The following COL22A1 variants were observed in gnomAD, a reference collection of about 807,000 sequenced individuals.
The protein encoded by COL22A1 is collagen alpha-1(XXII) chain.
In COL22A1, 221 loss-of-function variants were observed where a neutral mutation model predicts 248.9. The observed-to-expected ratio is 0.89, with a 90% confidence interval of 0.80 to 0.99. The LOEUF (loss-of-function observed/expected upper bound fraction) is 0.99. Ranked by LOEUF, COL22A1 falls within the 50% of genes least tolerant of loss-of-function variation. COL22A1 has a pLI of 0.00. For synonymous variants in COL22A1, 891 were observed against 793.4 expected, an observed-to-expected ratio of 1.12 and a Z score of -2.07; for missense variants, 2,240 against 2,179.0, an observed-to-expected ratio of 1.03 and a Z score of -0.56.
chr8:138,715,565 AT>A (rs5895555), intron 30 of COL22A1, 116 bp downstream of exon 30: 133,659 of 357,384 alleles, frequency 0.37, 25,310 homozygotes, highest in Admixed American at 0.56. Context: ...AGAGACTCTC[AT>A]TTTAAAAAAA....
At chr8:138,779,386 G>T (rs566713151) in intron 14 of COL22A1, 123 bp downstream of exon 14, 3 of 659,210 alleles carry the variant, frequency 4.6e-6, no homozygotes, top group African/African-American at 1.8e-5. Flanking sequence ...TGTGCAAGCA[G>T]TTATATGAGA....
intron 50 of COL22A1, among the ~76,000 whole-genome samples, chr8:138,628,223 C>T (rs1820411245): frequency 1.3e-5 from 2 of 150,584 alleles, no homozygotes; most frequent in Non-Finnish European, 1.5e-5. Context: ...TCTTTTAATT[C>T]AAAATACAAC....
chr8:138,887,314 T>C (rs910606462), intron 1 of COL22A1, among the ~76,000 whole-genome samples: 1 of 151,576 alleles, frequency 6.6e-6, no homozygotes, highest in African/African-American at 2.4e-5. Flanking sequence ...AACCTCTGCC[T>C]CCTGGGTTCA....
intron 1 of COL22A1, among the ~76,000 whole-genome samples, chr8:138,902,096 G>T (rs897792044): frequency 6.6e-6 from 1 of 152,136 alleles, no homozygotes; most frequent in African/African-American, 2.4e-5. Flanking sequence ...AAGAGGCATG[G>T]GGGAGTTCCC....
chr8:138,840,059 A>T lies in COL22A1; in HGVS notation c.733+4025T>A, dbSNP rs748167305. Among the ~76,000 whole-genome samples the T allele has an allele frequency of 2.0e-5, 3 of 152,246 alleles. No individual in the cohort carries two copies. In the South Asian group the frequency reaches 6.2e-4, roughly 32 times the overall value. ...CCTCGTGCTCCCAGACCCAGCCCAGATATGCCCTAAAAATAGCCAGAGTCA... is the reference window on the plus strand; with the variant it reads ...CCTCGTGCTCCCAGACCCAGCCCAGTTATGCCCTAAAAATAGCCAGAGTCA... On this transcript the variant is annotated intron_variant, in intron 4 of 64. Coordinates refer to ENST00000303045, the MANE Select transcript of COL22A1 (RefSeq NM_152888.3).
chr8:138,696,026 T>G (rs995978969), intron 32 of COL22A1, among the ~76,000 whole-genome samples: 1 of 152,160 alleles, frequency 6.6e-6, no homozygotes, highest in Non-Finnish European at 1.5e-5. Context: ...GGACCCCATA[T>G]GACTTTTGCA....
In COL22A1 at chr8:138,655,311, T is replaced by C. The variant is rs531531803; in HGVS notation, c.3333+586A>G. 7.4e-4 allele frequency among the ~76,000 whole-genome samples: 113 copies of C among 152,332 alleles called. 1 individual carries two copies. Among genetic ancestry groups the C allele is most frequent in the African/African-American group, 2.6e-3 (107 of 41,578 alleles). ...ACCAGCCACATGCAGCTATTAAGTATGTGTAAAGAAAGAGGTTGGAGTGAT... is the reference window on the plus strand; with the variant it reads ...ACCAGCCACATGCAGCTATTAAGTACGTGTAAAGAAAGAGGTTGGAGTGAT... On this transcript the variant is annotated intron_variant, in intron 45 of 64. Transcript: ENST00000303045.
At chr8:138,738,547 C>T (rs1831304704) in intron 22 of COL22A1, among the ~76,000 whole-genome samples, 1 of 152,124 alleles carries the variant, frequency 6.6e-6, no homozygotes, top group African/African-American at 2.4e-5. Flanking sequence ...GTTCTTCCCA[C>T]CTGATCCTTT....
intron 2 of COL22A1, among the ~76,000 whole-genome samples, chr8:138,882,296 A>T (rs1265145408): frequency 6.6e-6 from 1 of 151,502 alleles, no homozygotes; most frequent in African/African-American, 2.4e-5. Flanking sequence ...TCACATGCAT[A>T]CTGACATTGC....
intron 31 of COL22A1, among the ~76,000 whole-genome samples, chr8:138,701,262 A>T (rs1344092138): frequency 6.6e-6 from 1 of 152,164 alleles, no homozygotes; most frequent in African/African-American, 2.4e-5. Context: ...TTTGCAATGT[A>T]GCTATATCTT....
chr8:138,660,958 ACACACG>A (rs1564158651), intron 43 of COL22A1, among the ~76,000 whole-genome samples: 1,092 of 76,024 alleles, frequency 0.014, 20 homozygotes, highest in African/African-American at 0.036. Flanking sequence ...ACACACAGAC[ACACACG>A]CACACACACA....
At chr8:138,704,716 T>A (rs958734909) in intron 30 of COL22A1, among the ~76,000 whole-genome samples, 1 of 152,102 alleles carries the variant, frequency 6.6e-6, no homozygotes, top group Non-Finnish European at 1.5e-5. Flanking sequence ...TCAGAGCGCC[T>A]CGCCTCCTCC....
Position 138,770,511 on chromosome 8 carries a change from G to A in COL22A1, c.1803+5455C>T, listed in dbSNP as rs115637998. On this transcript the variant is annotated intron_variant, in intron 16 of 64. Coordinates refer to ENST00000303045, the MANE Select transcript of COL22A1 (RefSeq NM_152888.3). ...ATGCCCTGCCCTGGGGCTGTTAGAG[G>A]TGGCCTCAGTGCTGGACGATGGTGG... 1.1e-3 allele frequency among the ~76,000 whole-genome samples: 173 copies of A among 152,382 alleles called. 1 individual carries two copies. Among genetic ancestry groups the A allele is most frequent in the African/African-American group, 4.1e-3 (171 of 41,602 alleles).
At chr8:138,758,518 T>C (rs1833209039) in intron 18 of COL22A1, among the ~76,000 whole-genome samples, 1 of 152,236 alleles carries the variant, frequency 6.6e-6, no homozygotes, top group South Asian at 2.1e-4. Flanking sequence ...GACAGGCAGA[T>C]AATATGATAG....
chr8:138,803,795 T>A (rs1468891040), intron 10 of COL22A1, among the ~76,000 whole-genome samples: 2 of 152,198 alleles, frequency 1.3e-5, no homozygotes, highest in African/African-American at 4.8e-5. Flanking sequence ...TTCAATTCTA[T>A]TCTTTTGTCT....
intron 45 of COL22A1, among the ~76,000 whole-genome samples, chr8:138,652,787 C>T (rs537363484): frequency 2.3e-4 from 24 of 103,188 alleles, no homozygotes; most frequent in Non-Finnish European, 3.8e-4. Context: ...TGCTCTGTCA[C>T]CCAGCTTGGA....
rs73721910 is a variant in COL22A1, at chr8:138,656,065, G to A, written c.3286-121C>T. 1,231 of 784,520 alleles carry A rather than the reference G, an allele frequency of 1.6e-3. 11 individuals carry two copies. The highest frequency in any genetic ancestry group is 0.016 in the African/African-American group (909 of 58,038). The allele number at this position is 784,520 out of a possible 1,614,324, so 48.6% of individuals were successfully genotyped here. A position where few individuals can be genotyped will look rare whatever the true frequency, so the allele number is the denominator to read the frequency against. ...CAATACGTGACACACTGCGCCGTGCGTGGGATACGGACAGCCCAGTGGATG... is the reference window on the plus strand; with the variant it reads ...CAATACGTGACACACTGCGCCGTGCATGGGATACGGACAGCCCAGTGGATG... On this transcript the variant is annotated intron_variant, in intron 44 of 64. Transcript: ENST00000303045.
At chr8:138,904,387 C>T (rs976528858) in intron 1 of COL22A1, among the ~76,000 whole-genome samples, 2 of 152,056 alleles carry the variant, frequency 1.3e-5, no homozygotes, top group Non-Finnish European at 2.9e-5. Context: ...CCAACCCCTG[C>T]GGCCTCCCTG....
In COL22A1 at chr8:138,877,988, G is replaced by A. The variant is rs372550535; in HGVS notation, c.420C>T (p.Arg140=). 8.2e-6 allele frequency: 13 copies of A among 1,587,136 alleles called. No individual in the cohort carries two copies. Among genetic ancestry groups the A allele is most frequent in the South Asian group, 3.4e-5 (3 of 87,796 alleles). Residue 140 remains arginine, a synonymous_variant, in exon 3 of 65, where the codon CGC becomes CGT. Transcript: ENST00000303045. ...GCAGGATGGCCACCTGCTTGTAGGC[G>A]CGGTCCCTGGGGCGGCCGCCGGCGT... ...SPHAGGRPRD[R]AYKQVAILLT...
Sources: gnomAD v4.1 joint callset for allele counts (sites outside exome capture counted in the v4.1 genomes callset) on GRCh38, gnomAD v4.1.1 for gene constraint, MANE v1.5 for transcripts, NCBI Gene and HGNC (gene_info 2026-07-23, HGNC 2026-07-21) for gene names.